The following ACVR1C variants were observed in gnomAD, a reference collection of about 807,000 sequenced individuals.
The protein encoded by ACVR1C is activin A receptor type 1C, also known as activin receptor type-1C.
In ACVR1C, 23 loss-of-function variants were observed where a neutral mutation model predicts 57.9. That is an observed-to-expected ratio of 0.40 (90% CI 0.29 to 0.56). The LOEUF (loss-of-function observed/expected upper bound fraction) is 0.56, where lower values mean the gene tolerates loss of function less well. Ranked by LOEUF, ACVR1C falls within the 20% of genes least tolerant of loss-of-function variation. ACVR1C has a pLI of 0.50. For synonymous variants in ACVR1C, 214 were observed against 215.3 expected (o/e 0.99, Z 0.05); for missense variants, 480 against 607.9 (o/e 0.79, Z 2.21).
At chr2:157,573,542 G>GT (rs973982707) in intron 2 of ACVR1C, among the ~76,000 whole-genome samples, 235 of 146,752 alleles carry the variant, frequency 1.6e-3, no homozygotes, top group Admixed American at 2.3e-3. Flanking sequence ...AATTTGAAGG[G>GT]TTTTTTTTTT....
rs534398386 is a variant in ACVR1C at position 157,620,492 on chromosome 2, T to C, written c.73+8080A>G. Among the ~76,000 whole-genome samples, 3 of 152,282 alleles carry C rather than the reference T, an allele frequency of 2.0e-5. No individual in the cohort carries two copies. The East Asian group carries it at 5.8e-4, about 29-fold the overall frequency. On this transcript the variant is annotated intron_variant, in intron 1 of 8. Coordinates refer to ENST00000243349, the MANE Select transcript of ACVR1C (RefSeq NM_145259.3). Reference sequence around the variant, plus strand: ...TTACTTAATACTCTTTAATATATTTTGGCTCTGTTGTAAAACAATCTGGTT... The same window carrying C: ...TTACTTAATACTCTTTAATATATTTCGGCTCTGTTGTAAAACAATCTGGTT...
intron 1 of ACVR1C, among the ~76,000 whole-genome samples, chr2:157,588,872 TATATATAC>T (rs1357587737): frequency 2.0e-4 from 29 of 142,312 alleles, no homozygotes; most frequent in African/African-American, 7.1e-4. Flanking sequence ...TATATATATA[TATATATAC>T]GTGTGTGTGT....
intron 3 of ACVR1C, 94 bp from the exon 4 acceptor site, chr2:157,550,486 T>A: frequency 9.2e-7 from 1 of 1,081,908 alleles, no homozygotes. Context: ...AAAGCAAACA[T>A]TTAAATGCTT....
intron 1 of ACVR1C, among the ~76,000 whole-genome samples, chr2:157,613,919 T>C (rs2105151685): frequency 1.3e-5 from 2 of 152,314 alleles, no homozygotes; most frequent in South Asian, 4.1e-4. Context: ...TCTGGAAGTT[T>C]ATGTAGAATA....
chr2:157,551,847 A>G (rs1411431286), intron 3 of ACVR1C, among the ~76,000 whole-genome samples: 1 of 152,168 alleles, frequency 6.6e-6, no homozygotes, highest in African/African-American at 2.4e-5. Context: ...ATGTTCTCAT[A>G]TGGACATATA....
At chr2:157,585,160 C>T (rs1688889037) in intron 2 of ACVR1C, among the ~76,000 whole-genome samples, 2 of 152,120 alleles carry the variant, frequency 1.3e-5, no homozygotes, top group Non-Finnish European at 2.9e-5. Context: ...TGTGTCTAAA[C>T]TCATCAAACT....
intron 8 of ACVR1C, among the ~76,000 whole-genome samples, chr2:157,538,187 GGGTCA>G (rs1330778759): frequency 6.6e-6 from 1 of 152,168 alleles, no homozygotes; most frequent in African/African-American, 2.4e-5. Flanking sequence ...AAGCATTAAA[GGGTCA>G]GTGTGTGATC....
chr2:157,537,083 T>C (rs1687507285), intron 8 of ACVR1C, among the ~76,000 whole-genome samples: 1 of 152,136 alleles, frequency 6.6e-6, no homozygotes, highest in Non-Finnish European at 1.5e-5. Context: ...AGTAAAAACA[T>C]TTTGAAAAGA....
chr2:157,573,892 AC>A (rs1177716484), intron 2 of ACVR1C, among the ~76,000 whole-genome samples: 2 of 152,230 alleles, frequency 1.3e-5, no homozygotes, highest in East Asian at 3.8e-4. Context: ...GAAGTAAGAT[AC>A]AAAATTGTAT....
chr2:157,575,502 A>C (rs1284302897), intron 2 of ACVR1C, among the ~76,000 whole-genome samples: 4 of 152,132 alleles, frequency 2.6e-5, no homozygotes, highest in East Asian at 1.9e-4. Flanking sequence ...CTCCTAGGCT[A>C]AACAGATCCC....
chr2:157,565,396 T>C (rs1281555622), intron 2 of ACVR1C, among the ~76,000 whole-genome samples: 1 of 152,120 alleles, frequency 6.6e-6, no homozygotes, highest in East Asian at 1.9e-4. Context: ...GGTCACTTCT[T>C]CGTAGTGACC....
At chr2:157,544,813 T>C (rs1687711116) in intron 4 of ACVR1C, among the ~76,000 whole-genome samples, 2 of 152,350 alleles carry the variant, frequency 1.3e-5, no homozygotes, top group South Asian at 4.1e-4. Flanking sequence ...TTGTTATATG[T>C]GCCCACCATA....
chr2:157,534,931 G>A (rs989394013), intron 8 of ACVR1C, among the ~76,000 whole-genome samples: 29 of 152,170 alleles, frequency 1.9e-4, no homozygotes, highest in Non-Finnish European at 2.9e-4. Context: ...CGAGGTGAGA[G>A]GATTGCTTAA....
chr2:157,627,517 T>G (rs914804601), intron 1 of ACVR1C, among the ~76,000 whole-genome samples: 1 of 152,208 alleles, frequency 6.6e-6, no homozygotes, highest in South Asian at 2.1e-4. Flanking sequence ...AATCTGTACA[T>G]GACAGCAATC....
chr2:157,531,001 T>G lies in ACVR1C; in HGVS notation c.*2917A>C. On this transcript the variant is annotated 3_prime_UTR_variant, in exon 9 of 9. Transcript: ENST00000243349. ...AATAGTGTTTTCCCAAGTCTTGTAT[T>G]ATACCCCAAAGCCAAAATATCTGTA... The G allele has an allele frequency of 6.6e-6, 1 of 152,116 alleles. No individual in the cohort carries two copies. Among genetic ancestry groups the G allele is most frequent in the Middle Eastern group, 3.4e-3 (1 of 294 alleles). 9.4% of individuals were successfully genotyped at this position (152,116 alleles called of 1,614,324 possible). A position where few individuals can be genotyped will look rare whatever the true frequency, so the allele number is the denominator to read the frequency against.
intron 3 of ACVR1C, among the ~76,000 whole-genome samples, chr2:157,552,809 A>C (rs1243996185): frequency 6.6e-6 from 1 of 152,228 alleles, no homozygotes; most frequent in Non-Finnish European, 1.5e-5. Context: ...CACCAAAATG[A>C]ATCTAATTCT....
At chr2:157,573,663 G>A (rs1048664686) in intron 2 of ACVR1C, among the ~76,000 whole-genome samples, 1 of 151,990 alleles carries the variant, frequency 6.6e-6, no homozygotes, top group African/African-American at 2.4e-5. Context: ...TCTAGCCCAG[G>A]CTTCCTGATC....
chr2:157,597,029 G>T (rs1682141643), intron 1 of ACVR1C, among the ~76,000 whole-genome samples: 1 of 152,086 alleles, frequency 6.6e-6, no homozygotes, highest in African/African-American at 2.4e-5. Flanking sequence ...GGGCGGGAAG[G>T]TTTCTTGGAG....
intron 2 of ACVR1C, among the ~76,000 whole-genome samples, chr2:157,586,019 T>C (rs1688913114): frequency 6.6e-6 from 1 of 152,190 alleles, no homozygotes; most frequent in African/African-American, 2.4e-5. Context: ...TGATATTACA[T>C]AACACTGAAT....
Sources: allele counts gnomAD v4.1 joint callset (sites outside exome capture counted in the v4.1 genomes callset), GRCh38; gene constraint gnomAD v4.1.1; transcripts MANE v1.5; gene names NCBI Gene and HGNC (gene_info 2026-07-23, HGNC 2026-07-21).